The following AGTR1 variants were observed in gnomAD, a reference collection of about 807,000 sequenced individuals.
AGTR1 encodes the protein angiotensin II receptor type 1.
In AGTR1, 16 loss-of-function variants were observed where a neutral mutation model predicts 19.4. The ratio of observed to expected loss-of-function variants is 0.82; its 90% CI spans 0.56 to 1.25. The LOEUF (loss-of-function observed/expected upper bound fraction) is 1.25. AGTR1 is among the 50% of genes most tolerant of loss of function. The pLI is 0.00. For missense variants in AGTR1, 373 were observed against 431.9 expected (o/e 0.86, Z 1.21); for synonymous variants, 153 against 154.9 (o/e 0.99, Z 0.09).
chr3:148,725,573 C>T (rs1713882696), intron 2 of AGTR1, among the ~76,000 whole-genome samples: 1 of 152,180 alleles, frequency 6.6e-6, no homozygotes, highest in Non-Finnish European at 1.5e-5. Context: ...TTCGCCTCCT[C>T]CTGGGTTCAA....
intron 2 of AGTR1, among the ~76,000 whole-genome samples, chr3:148,729,067 T>C (rs1187128015): frequency 6.6e-6 from 1 of 152,218 alleles, no homozygotes; most frequent in Non-Finnish European, 1.5e-5. Flanking sequence ...TAATATCTCC[T>C]GAAGAAAGAA....
At chr3:148,708,223 A>T (rs1225322813) in intron 2 of AGTR1, among the ~76,000 whole-genome samples, 196 bp downstream of exon 2, 1 of 152,208 alleles carries the variant, frequency 6.6e-6, no homozygotes, top group Non-Finnish European at 1.5e-5. Context: ...ATGGTTTTAA[A>T]CATAAATAAC....
chr3:148,740,886 TA>T, intron 2 of AGTR1, 102 bp from the exon 3 acceptor site: 2 of 1,057,874 alleles, frequency 1.9e-6, no homozygotes. Context: ...TTCCTAAGAC[TA>T]AAGTTGAGTT....
chr3:148,729,213 A>G (rs1441056383), intron 2 of AGTR1, among the ~76,000 whole-genome samples: 2 of 152,202 alleles, frequency 1.3e-5, no homozygotes, highest in African/African-American at 4.8e-5. Flanking sequence ...AGAACTTGCG[A>G]TGGCAAAGTT....
intron 2 of AGTR1, among the ~76,000 whole-genome samples, chr3:148,728,095 G>A (rs968781309): frequency 6.6e-6 from 1 of 152,116 alleles, no homozygotes; most frequent in Admixed American, 6.6e-5. Flanking sequence ...CAGTCTAATT[G>A]AGAGGCACTA....
intron 2 of AGTR1, among the ~76,000 whole-genome samples, chr3:148,737,521 C>A (rs1423467843): frequency 1.3e-5 from 2 of 152,178 alleles, no homozygotes. Context: ...AGGCTCCTGT[C>A]CCCCTGGCTA....
chr3:148,718,684 T>G (rs1169572212), intron 2 of AGTR1, among the ~76,000 whole-genome samples: 1 of 152,218 alleles, frequency 6.6e-6, no homozygotes, highest in African/African-American at 2.4e-5. Flanking sequence ...CTATATATTA[T>G]GACCTAATTA....
At chr3:148,713,368 A>G (rs952901218) in intron 2 of AGTR1, among the ~76,000 whole-genome samples, 1 of 152,166 alleles carries the variant, frequency 6.6e-6, no homozygotes, top group South Asian at 2.1e-4. Flanking sequence ...GTAATTCTGC[A>G]ATCTTCCTCA....
intron 1 of AGTR1, among the ~76,000 whole-genome samples, chr3:148,701,978 T>A (rs1048017782): frequency 3.9e-5 from 3 of 77,820 alleles, no homozygotes; most frequent in East Asian, 4.8e-4. Flanking sequence ...ATTGTGTACC[T>A]TTTTTTTTTT....
chr3:148,716,306 G>A lies in AGTR1; in HGVS notation c.-48+8279G>A, dbSNP rs1713300909. Among the ~76,000 whole-genome samples, 1 of 152,158 alleles carries A rather than the reference G, an allele frequency of 6.6e-6. No individual in the cohort carries two copies. Among genetic ancestry groups the A allele is most frequent in the South Asian group, 2.1e-4 (1 of 4,834 alleles). On this transcript the variant is annotated intron_variant, in intron 2 of 2. Coordinates refer to ENST00000349243, the MANE Select transcript of AGTR1 (RefSeq NM_000685.5). This position sits in a 1 kb window ranked among gnomAD's most constrained non-coding sequence, Gnocchi z 4.7. ...AAAGGAGGCTCCTAGAAATGGGGTT[G>A]TGTTGAGTTGACAGAGATGTGTGGC...
At chr3:148,698,921 G>A (rs1283322933) in intron 1 of AGTR1, among the ~76,000 whole-genome samples, 1 of 151,882 alleles carries the variant, frequency 6.6e-6, no homozygotes, top group African/African-American at 2.4e-5. Flanking sequence ...CATCTCCATA[G>A]TGCCAGCCTG....
intron 1 of AGTR1, among the ~76,000 whole-genome samples, chr3:148,705,439 C>CCCTT (rs1553758106): frequency 6.6e-6 from 1 of 151,512 alleles, no homozygotes; most frequent in East Asian, 1.9e-4. Context: ...TAATCTAACT[C>CCCTT]TCCCATTCAA....
chr3:148,698,762 C>CA (rs1300882009), intron 1 of AGTR1, among the ~76,000 whole-genome samples: 4 of 152,200 alleles, frequency 2.6e-5, no homozygotes, highest in African/African-American at 9.7e-5. Context: ...CTCCACACCC[C>CA]AATCCCTACA....
chr3:148,720,204 A>T (rs1255028300), intron 2 of AGTR1, among the ~76,000 whole-genome samples: 1 of 152,136 alleles, frequency 6.6e-6, no homozygotes, highest in Non-Finnish European at 1.5e-5. Context: ...CATGTGGTAG[A>T]TGTGTAGGAA....
At position 148,742,299 on chromosome 3, in the gene AGTR1, A is replaced by C; in HGVS notation, c.*184A>C. On this transcript the variant is annotated 3_prime_UTR_variant, in exon 3 of 3. Coordinates refer to ENST00000349243, the MANE Select transcript of AGTR1 (RefSeq NM_000685.5). Reference sequence around the variant, plus strand: ...AAAGCTTTTCTTTCCTTTTGCAACAAGACAAAGCAAAGCCACATTTTGCAT... The same window carrying C: ...AAAGCTTTTCTTTCCTTTTGCAACACGACAAAGCAAAGCCACATTTTGCAT... 1.1e-6 allele frequency: 1 copy of C among 889,374 alleles called. No individual in the cohort carries two copies. The highest frequency in any genetic ancestry group is 2.5e-5 in the East Asian group (1 of 39,568). 55.1% of individuals were successfully genotyped at this position (889,374 alleles called of 1,614,324 possible).
intron 2 of AGTR1, among the ~76,000 whole-genome samples, chr3:148,729,037 GAAGA>G (rs1249229610): frequency 3.3e-5 from 5 of 152,174 alleles, no homozygotes; most frequent in African/African-American, 1.2e-4. Context: ...TAGCTAGCTG[GAAGA>G]ACCAGAGGAG....
chr3:148,726,417 C>G (rs972614279), intron 2 of AGTR1, among the ~76,000 whole-genome samples: 9 of 152,144 alleles, frequency 5.9e-5, no homozygotes, highest in Non-Finnish European at 1.0e-4. Flanking sequence ...CCATGCTGGC[C>G]AGGCTGGTCT....
At chr3:148,704,559 G>A (rs1222193842) in intron 1 of AGTR1, among the ~76,000 whole-genome samples, 1 of 152,018 alleles carries the variant, frequency 6.6e-6, no homozygotes, top group Non-Finnish European at 1.5e-5. Context: ...TACTTTTTCA[G>A]CTTTTAATAT....
At chr3:148,701,914 T>C (rs1386838055) in intron 1 of AGTR1, among the ~76,000 whole-genome samples, 1 of 152,110 alleles carries the variant, frequency 6.6e-6, no homozygotes, top group Non-Finnish European at 1.5e-5. Context: ...TCAATGGATT[T>C]AAGTACTCTG....
Sources: gnomAD v4.1 joint callset for allele counts (sites outside exome capture counted in the v4.1 genomes callset) on GRCh38, gnomAD v4.1.1 for gene constraint, Gnocchi (gnomAD v3.1) non-coding constraint, MANE v1.5 for transcripts, NCBI Gene and HGNC (gene_info 2026-07-23, HGNC 2026-07-21) for gene names.